RNF19A: variants seen among roughly 807,000 people sequenced by gnomAD.
RNF19A encodes the protein ring finger protein 19A, RBR E3 ubiquitin protein ligase, also known as E3 ubiquitin-protein ligase RNF19A.
RNF19A carries 32 observed loss-of-function variants against 75.7 expected under a neutral mutation model. The observed-to-expected ratio is 0.42, with a 90% CI of 0.32 to 0.57. The LOEUF (loss-of-function observed/expected upper bound fraction) is 0.57. RNF19A is among the 20% of genes least tolerant of loss of function. The pLI, the probability that RNF19A is intolerant of heterozygous loss-of-function variation, is 0.10. For missense variants in RNF19A, 782 were observed against 1,036.3 expected (o/e 0.75, Z 3.37); for synonymous variants, 335 against 345.2 (o/e 0.97, Z 0.33).
chr8:100,274,958 G>A lies in RNF19A; in HGVS notation c.878C>T (p.Ala293Val), dbSNP rs371438033. The stretch of plus-strand genomic sequence containing the variant: ...AAAAAATTAGACATAAATACCTGCT[G>A]CTCCAGACTCTTGACTATAACTAAT... ...SSISYSQESG[A>V]AADDIKPCPR... The change falls in exon 3 of 10, where the codon GCA (alanine) becomes GTA (valine). Residue 293 changes from alanine (A) to valine (V), a missense_variant. Ala to Val is a moderately conservative substitution (Grantham distance 64). This residue lies in a region of RNF19A where 31 missense variants were observed against 48.8 expected (regional missense o/e 0.64). Coordinates refer to ENST00000341084, the MANE Select transcript of RNF19A (RefSeq NM_183419.4). 1 of 1,610,572 alleles carries A rather than the reference G, an allele frequency of 6.2e-7. No homozygotes were observed. The highest frequency in any genetic ancestry group is 8.5e-7 in the Non-Finnish European group (1 of 1,177,650).
intron 1 of RNF19A, among the ~76,000 whole-genome samples, 175 bp downstream of exon 1, chr8:100,309,692 C>T (rs1264450371): frequency 6.6e-6 from 1 of 152,190 alleles, no homozygotes; most frequent in East Asian, 1.9e-4. Context: ...GCCACGGCCC[C>T]GAGCCCACGC....
chr8:100,266,862 A>T (rs1291162015), intron 5 of RNF19A, among the ~76,000 whole-genome samples: 1 of 152,168 alleles, frequency 6.6e-6, no homozygotes, highest in Non-Finnish European at 1.5e-5. Context: ...TCAGAAATAA[A>T]TATGTGACTT....
rs1425164809 is a variant in RNF19A at position 100,333,489 on chromosome 8, A to G, written c.-243+2619T>C. Reference sequence around the variant, plus strand: ...TATTATATTAGAGGCAAGATTCAAGATTGCTTATACAGCGAGATCAGTACC... The same window carrying G: ...TATTATATTAGAGGCAAGATTCAAGGTTGCTTATACAGCGAGATCAGTACC... On this transcript the variant is annotated intron_variant, in intron 1 of 3. Transcript: ENST00000519527. This position sits in a 1 kb window ranked among gnomAD's most constrained non-coding sequence, Gnocchi z 4.7. Among the ~76,000 whole-genome samples, 1 of 152,256 alleles carries G rather than the reference A, an allele frequency of 6.6e-6. No homozygotes were observed. The highest frequency in any genetic ancestry group is 2.4e-5 in the African/African-American group (1 of 41,472).
chr8:100,291,273 T>G (rs925118998), intron 1 of RNF19A, among the ~76,000 whole-genome samples: 1 of 152,222 alleles, frequency 6.6e-6, no homozygotes, highest in African/African-American at 2.4e-5. Context: ...CCGTACTAAA[T>G]GTTAGCTGAA....
rs183022236 is a variant in RNF19A at position 100,267,534 on chromosome 8, T to C, written c.1191+1251A>G. Among the ~76,000 whole-genome samples the C allele has an allele frequency of 2.0e-5, 3 of 152,216 alleles. No homozygotes were observed. In the South Asian group the frequency reaches 6.2e-4, roughly 32 times the overall value. On this transcript the variant is annotated intron_variant, in intron 5 of 9. Coordinates refer to ENST00000341084, the MANE Select transcript of RNF19A (RefSeq NM_183419.4). ...ACAGGTGCATACTACCATACCCAGA[T>C]AATTTTTAAATTTTTTTGAGAGATG... is the stretch of plus-strand genomic sequence containing the variant.
At chr8:100,290,029 T>C (rs1821214055) in intron 1 of RNF19A, among the ~76,000 whole-genome samples, 2 of 152,194 alleles carry the variant, frequency 1.3e-5, no homozygotes, top group Non-Finnish European at 2.9e-5. Flanking sequence ...TATAATTCTA[T>C]TTATAAAAAG....
intron 2 of RNF19A, among the ~76,000 whole-genome samples, chr8:100,285,790 G>A (rs1017766255): frequency 3.3e-5 from 5 of 151,920 alleles, no homozygotes; most frequent in East Asian, 1.9e-4. Context: ...GAGCCACCAC[G>A]CCCAGTTGTA....
In RNF19A at chr8:100,333,872, A is replaced by G. The variant is rs571416048; in HGVS notation, c.-243+2236T>C. ...ATTGTCTATCTTTATTTACGACCCCATAATGACTCCCTGTTCCCTACAGCA... is the reference window on the plus strand; with the variant it reads ...ATTGTCTATCTTTATTTACGACCCCGTAATGACTCCCTGTTCCCTACAGCA... On this transcript the variant is annotated intron_variant, in intron 1 of 3. Coordinates refer to the RNF19A transcript ENST00000519527. This position sits in a 1 kb window ranked among gnomAD's most constrained non-coding sequence, Gnocchi z 4.7. 1.8e-4 allele frequency among the ~76,000 whole-genome samples: 28 copies of G among 152,338 alleles called. 1 individual carries two copies. The highest frequency in any genetic ancestry group is 6.5e-4 in the African/African-American group (27 of 41,580).
intron 1 of RNF19A, among the ~76,000 whole-genome samples, chr8:100,334,921 C>T (rs1822657199): frequency 1.3e-5 from 2 of 152,062 alleles, no homozygotes; most frequent in South Asian, 2.1e-4. Flanking sequence ...AGTCTAGGCA[C>T]CAAGATAAGC....
chr8:100,265,872 C>T (rs1327759922), intron 5 of RNF19A, among the ~76,000 whole-genome samples: 1 of 152,232 alleles, frequency 6.6e-6, no homozygotes, highest in Admixed American at 6.5e-5. Flanking sequence ...CTTCCCTACA[C>T]AGTCCATGCA....
intron 1 of RNF19A, among the ~76,000 whole-genome samples, chr8:100,289,069 A>AAC (rs1387869752): frequency 6.6e-6 from 1 of 151,786 alleles, no homozygotes; most frequent in Non-Finnish European, 1.5e-5. Context: ...CAAAAAAAAA[A>AAC]AAAAAAAAGT....
intron 1 of RNF19A, among the ~76,000 whole-genome samples, chr8:100,288,904 C>A (rs1332675671): frequency 6.6e-6 from 1 of 151,828 alleles, no homozygotes; most frequent in African/African-American, 2.4e-5. Flanking sequence ...TTTAAAAATA[C>A]AAAAAACTAG....
Position 100,261,321 on chromosome 8 carries a change from C to A in RNF19A, c.1682+221G>T, listed in dbSNP as rs1402382385. On this transcript the variant is annotated intron_variant, in intron 8 of 9. Coordinates refer to ENST00000341084, the MANE Select transcript of RNF19A (RefSeq NM_183419.4). This position sits in a 1 kb window ranked among gnomAD's most constrained non-coding sequence, Gnocchi z 4.4. ...CCATGTTGCCCAGGCTGGTCTCGAA[C>A]TCCTGAGCTCAGGCAATCCACCTGC... Among the ~76,000 whole-genome samples the A allele has an allele frequency of 6.6e-6, 1 of 152,100 alleles. No individual in the cohort carries two copies. The highest frequency in any genetic ancestry group is 1.5e-5 in the Non-Finnish European group (1 of 68,016).
Position 100,264,856 on chromosome 8 carries a change from A to T in RNF19A, c.1192-71T>A. ...TTACAATTTAACTTAGTTGAAAAAGATCTATACTTGCTAAAGTGATTTTTC... is the reference window on the plus strand; with the variant it reads ...TTACAATTTAACTTAGTTGAAAAAGTTCTATACTTGCTAAAGTGATTTTTC... On this transcript the variant is annotated intron_variant, in intron 5 of 9. Transcript: ENST00000341084. This position sits in a 1 kb window ranked among gnomAD's most constrained non-coding sequence, Gnocchi z 4.7. The T allele has an allele frequency of 2.6e-6, 3 of 1,156,968 alleles. No homozygotes were observed. Among genetic ancestry groups the T allele is most frequent in the Non-Finnish European group, 3.9e-6 (3 of 774,104 alleles). 71.7% of individuals were successfully genotyped at this position (1,156,968 alleles called of 1,614,324 possible). A position where few individuals can be genotyped will look rare whatever the true frequency, so the allele number is the denominator to read the frequency against.
At chr8:100,319,797 T>C (rs892242598) in intron 1 of RNF19A, among the ~76,000 whole-genome samples, 20 of 151,286 alleles carry the variant, frequency 1.3e-4, no homozygotes, top group African/African-American at 4.9e-4. Flanking sequence ...CCCAAAGTGC[T>C]GGGATTACAG....
At position 100,269,047 on chromosome 8, in the gene RNF19A, T is replaced by G; in HGVS notation, c.1029-100A>C. 1 of 872,240 alleles carries G rather than the reference T, an allele frequency of 1.1e-6. No individual in the cohort carries two copies. The highest frequency in any genetic ancestry group is 1.6e-6 in the Non-Finnish European group (1 of 613,956). 54.0% of individuals were successfully genotyped at this position (872,240 alleles called of 1,614,324 possible). ...AATGACTATTTTTAAAAACTTCTCA[T>G]AGTTAGGAGCTTTTTTCCCCTTTAA... On this transcript the variant is annotated intron_variant, in intron 4 of 9. Transcript: ENST00000341084. This position sits in a 1 kb window ranked among gnomAD's most constrained non-coding sequence, Gnocchi z 5.7.
At position 100,326,995 on chromosome 8, in the gene RNF19A, G is replaced by C. The variant is rs1242802485; in HGVS notation, c.-243+9113C>G. Among the ~76,000 whole-genome samples the C allele has an allele frequency of 2.6e-5, 4 of 152,178 alleles. No individual in the cohort carries two copies. In the East Asian group the frequency reaches 7.7e-4, roughly 29 times the overall value. On this transcript the variant is annotated intron_variant, in intron 1 of 3. Transcript: ENST00000519527. ...TCCTTGGATCTGGTCTAAACGTTCT[G>C]ATTAACAGTTCCTCAGCAGATGTGT...
At chr8:100,299,652 G>A (rs889213953) in intron 1 of RNF19A, among the ~76,000 whole-genome samples, 12 of 152,108 alleles carry the variant, frequency 7.9e-5, no homozygotes, top group South Asian at 2.1e-4. Flanking sequence ...CCAGCTACTC[G>A]GGAAGCTGAG....
intron 1 of RNF19A, among the ~76,000 whole-genome samples, chr8:100,294,194 G>A (rs1259304227): frequency 6.6e-6 from 1 of 152,204 alleles, no homozygotes; most frequent in Non-Finnish European, 1.5e-5. Flanking sequence ...TAGAGGCTCT[G>A]TAGTCTCTTG....
Sources: allele counts gnomAD v4.1 joint callset (sites outside exome capture counted in the v4.1 genomes callset), GRCh38; gene constraint gnomAD v4.1.1; regional missense constraint gnomAD v4.1.1; non-coding constraint Gnocchi (gnomAD v3.1); transcripts MANE v1.5; gene names NCBI Gene and HGNC (gene_info 2026-07-23, HGNC 2026-07-21).